The following PGGHG variants were observed in gnomAD, a reference collection of about 807,000 sequenced individuals.
PGGHG encodes the protein protein-glucosylgalactosylhydroxylysine glucosidase.
Under a neutral mutation model 74.5 loss-of-function variants are expected in PGGHG, and 67 were observed. That is an observed-to-expected ratio of 0.90 (90% CI 0.74 to 1.10). The LOEUF (loss-of-function observed/expected upper bound fraction) is 1.10. Among genes scored for constraint, PGGHG ranks in the 50% least tolerant of loss-of-function variants. PGGHG has a pLI of 0.00. For synonymous variants in PGGHG, 496 were observed against 419.9 expected (o/e 1.18, Z -2.21); for missense variants, 1,034 against 981.5 (o/e 1.05, Z -0.72).
Position 293,668 on chromosome 11 carries a change from A to G in PGGHG, c.1555A>G (p.Arg519Gly). The G allele has an allele frequency of 6.2e-7, 1 of 1,613,388 alleles. No individual in the cohort carries two copies. Among genetic ancestry groups the G allele is most frequent in the Non-Finnish European group, 8.5e-7 (1 of 1,179,988 alleles). ...CTTCTCCCTGAGTCCTGATGTTCGC[A>G]GGAAAAATCTGGAGATTTACGAGGC... ...VPFSLSPDVRRKNLEIYEAVT... is the reference protein window; with the variant it reads ...VPFSLSPDVRGKNLEIYEAVT... Residue 519 changes from arginine (R) to glycine (G), a missense_variant, in exon 10 of 14, where the codon AGG becomes GGG. Transcript: ENST00000409548.
Position 290,940 on chromosome 11 carries a change from G to T in PGGHG, c.733G>T (p.Asp245Tyr). 6.2e-7 allele frequency: 1 copy of T among 1,612,408 alleles called. No individual in the cohort carries two copies. Among genetic ancestry groups the T allele is most frequent in the South Asian group, 1.1e-5 (1 of 90,986 alleles). The stretch of plus-strand genomic sequence containing the variant: ...CCAGCTCTGGGTAGAATGTGGCTTG[G>T]ACGTGGTGGGGCCCCTGCAGCTGCG... ...WAQLWVECGLDVVGPLQLRQA... is the reference protein window; with the variant it reads ...WAQLWVECGLYVVGPLQLRQA... Residue 245 changes from aspartate (D) to tyrosine (Y), a missense_variant, in exon 4 of 14, where the codon GAC (aspartate) becomes TAC (tyrosine). Asp to Tyr is a radical substitution (Grantham distance 160). Transcript: ENST00000409548.
rs1297164454 is a variant in PGGHG at position 295,212 on chromosome 11, G to A, written c.*463G>A. The A allele has an allele frequency of 6.4e-6, 1 of 155,836 alleles. No individual in the cohort carries two copies. The highest frequency in any genetic ancestry group is 1.4e-5 in the Non-Finnish European group (1 of 70,812). 9.7% of individuals were successfully genotyped at this position (155,836 alleles called of 1,614,324 possible). The stretch of plus-strand genomic sequence containing the variant: ...ACTCGGCCCCTTCAGAATTCCTCAG[G>A]ACTCTCAGGTGCAGCTTTGCCAAAA... On this transcript the variant is annotated 3_prime_UTR_variant, in exon 14 of 14. Coordinates refer to ENST00000409548, the MANE Select transcript of PGGHG (RefSeq NM_025092.5).
In PGGHG at chr11:294,085, C is replaced by A; in HGVS notation, c.1711-14C>A. ...ACCTGGGGGTCCTGGTGTCAGCTGCCCTTGCCCCTGCAGGTGTGGACGGAG... is the reference window on the plus strand; with the variant it reads ...ACCTGGGGGTCCTGGTGTCAGCTGCACTTGCCCCTGCAGGTGTGGACGGAG... On this transcript the variant is annotated splice_polypyrimidine_tract_variant and intron_variant, in intron 11 of 13. Transcript: ENST00000409548. 1.3e-6 allele frequency: 2 copies of A among 1,596,306 alleles called. No homozygotes were observed. The highest frequency in any genetic ancestry group is 1.1e-5 in the South Asian group (1 of 88,680).
intron 4 of PGGHG, chr11:291,531 C>T (rs1046332796): frequency 6.9e-5 from 17 of 245,268 alleles, no homozygotes; most frequent in South Asian, 3.5e-4. Context: ...ACGGGGGTGA[C>T]GGGGACGCTG....
chr11:291,234 G>T (rs1189951655), intron 4 of PGGHG, 121 bp downstream of exon 4: 1 of 1,258,202 alleles, frequency 7.9e-7, no homozygotes, highest in African/African-American at 1.5e-5. Flanking sequence ...CAAAAGGGAA[G>T]AGGCCTGGAA....
intron 5 of PGGHG, 26 bp from the exon 6 acceptor site, chr11:292,520 A>G: frequency 6.2e-7 from 1 of 1,609,484 alleles, no homozygotes; most frequent in Non-Finnish European, 8.5e-7. Context: ...CAACAAGGTC[A>G]AGTCTGCCCC....
rs146770651 is a variant in PGGHG, at chr11:292,892, C to G, written c.1165C>G (p.Gln389Glu). The G allele has an allele frequency of 1.9e-6, 3 of 1,613,938 alleles. No homozygotes were observed. Among genetic ancestry groups the G allele is most frequent in the Non-Finnish European group, 2.5e-6 (3 of 1,180,000 alleles). ...GCCTCCTCCTGCTCCCCAGGACCTG[C>G]AGCTATTTCGAGAGGCTGGTGGCTG... Reference protein sequence around the residue: ...ELYYHTTQDLQLFREAGGWDV... With the variant: ...ELYYHTTQDLELFREAGGWDV... Residue 389 changes from glutamine (Q) to glutamate (E), a missense_variant, in exon 7 of 14, where the codon CAG becomes GAG. Coordinates refer to ENST00000409548, the MANE Select transcript of PGGHG (RefSeq NM_025092.5).
rs1172249395 is a variant in PGGHG, at chr11:291,090, T to C, written c.883T>C (p.Trp295Arg). ...LSNGSREECYWGHVFWDQDLW... is the reference protein window; with the variant it reads ...LSNGSREECYRGHVFWDQDLW... ...CAATGGGAGCCGTGAGGAATGCTAC[T>C]GGGGCCACGTCTTCTGGGACCAGGT... is the stretch of plus-strand genomic sequence containing the variant. Residue 295 changes from tryptophan (W) to arginine (R), a missense_variant, in exon 4 of 14, where the codon TGG (tryptophan) becomes CGG (arginine). Transcript: ENST00000409548. 1 of 1,591,700 alleles carries C rather than the reference T, an allele frequency of 6.3e-7. No individual in the cohort carries two copies. Among genetic ancestry groups the C allele is most frequent in the Non-Finnish European group, 8.6e-7 (1 of 1,166,100 alleles).
At chr11:292,458 C>T (rs1845751463) in intron 5 of PGGHG, 88 bp from the exon 6 acceptor site, 1 of 1,525,124 alleles carries the variant, frequency 6.6e-7, no homozygotes, top group African/African-American at 1.4e-5. Context: ...GGCCGAGCCC[C>T]CCCTCCTCCA....
In PGGHG at chr11:289,948, C is replaced by T. The variant is rs749725633; in HGVS notation, c.132C>T (p.Gly44=). ...RVFHDTLHVS[G]VYNGAGGDTH... is the part of the protein sequence containing the mutation. The stretch of plus-strand genomic sequence containing the variant: ...TTCACGACACGCTGCACGTGAGCGG[C>T]GTGTACAATGGGGCTGGCGGGGACA... Residue 44 remains glycine, a synonymous_variant, in exon 2 of 14, where the codon GGC becomes GGT. Transcript: ENST00000409548. This position sits in a 1 kb window ranked among gnomAD's most constrained non-coding sequence, Gnocchi z 5.6. 12 of 1,550,556 alleles carry T rather than the reference C, an allele frequency of 7.7e-6. No homozygotes were observed. The highest frequency in any genetic ancestry group is 2.0e-5 in the Admixed American group (1 of 50,982).
intron 12 of PGGHG, 23 bp downstream of exon 12, chr11:294,219 G>C (rs1331226940): frequency 5.0e-6 from 8 of 1,596,458 alleles, no homozygotes; most frequent in Non-Finnish European, 6.8e-6. Flanking sequence ...GCTGGCAGAG[G>C]GCAGCCCATG....
intron 7 of PGGHG, 71 bp downstream of exon 7, chr11:293,068 A>G: frequency 6.2e-7 from 1 of 1,613,776 alleles, no homozygotes; most frequent in South Asian, 1.1e-5. Context: ...TGATTTTCAG[A>G]CACCTCACGT....
rs1158469859 is a variant in PGGHG at position 294,729 on chromosome 11, G to A, written c.2194G>A (p.Val732Met). 6.2e-7 allele frequency: 1 copy of A among 1,602,798 alleles called. No individual in the cohort carries two copies. The highest frequency in any genetic ancestry group is 8.5e-7 in the Non-Finnish European group (1 of 1,174,162). ...CTCCAGCCCCACCGAGTCACTCACT[G>A]TGGACCCTGCCTCTGAATAATCAGG... ...GSSSPTESLT[V>M]DPASE Residue 732 changes from valine (V) to methionine (M), a missense_variant, in exon 14 of 14, where the codon GTG becomes ATG. Val to Met is a conservative substitution (Grantham distance 21). Coordinates refer to ENST00000409548, the MANE Select transcript of PGGHG (RefSeq NM_025092.5).
At chr11:290,320 G>T (rs934814672) in intron 2 of PGGHG, 70 bp from the exon 3 acceptor site, 1 of 1,462,394 alleles carries the variant, frequency 6.8e-7, no homozygotes, top group South Asian at 1.2e-5. Flanking sequence ...GGCAGCGGTC[G>T]GGTGGTCCAC....
intron 11 of PGGHG, 44 bp from the exon 12 acceptor site, chr11:294,055 C>T (rs377394219): frequency 5.8e-5 from 91 of 1,582,458 alleles, no homozygotes; most frequent in Non-Finnish European, 7.5e-5. Flanking sequence ...CCAGAGAGGA[C>T]GGTGACCTGG....
chr11:292,438 A>C, intron 5 of PGGHG, 108 bp from the exon 6 acceptor site: 2 of 1,377,052 alleles, frequency 1.5e-6, no homozygotes, highest in Non-Finnish European at 2.0e-6. Flanking sequence ...CCGCCAGGGT[A>C]CCTGGCGCAG....
At chr11:290,275 G>A (rs910436199) in intron 2 of PGGHG, 115 bp from the exon 3 acceptor site, 24 of 1,362,672 alleles carry the variant, frequency 1.8e-5, no homozygotes, top group African/African-American at 1.7e-4. Flanking sequence ...ACGAGCAGCC[G>A]AGGGCCCAGA....
In PGGHG at chr11:294,364, T is replaced by C. The variant is rs1315739700; in HGVS notation, c.1906T>C (p.Phe636Leu). 2 of 1,612,998 alleles carry C rather than the reference T, an allele frequency of 1.2e-6. No individual in the cohort carries two copies. Among genetic ancestry groups the C allele is most frequent in the African/African-American group, 1.3e-5 (1 of 74,896 alleles). Residue 636 changes from phenylalanine (F) to leucine (L), a missense_variant, in exon 13 of 14, where the codon TTC (phenylalanine) becomes CTC (leucine). By Grantham distance (22) the Phe-to-Leu change is conservative (BLOSUM62 0). Transcript: ENST00000409548. ...CTTCTACCAGGGGAACAAGCTCAAC[T>C]TCTCTTTTTCCGAGGACTCCGTGAC... The part of the protein sequence containing the change: ...GIFYQGNKLN[F>L]SFSEDSVTVE...
Position 290,475 on chromosome 11 carries a change from T to C in PGGHG, c.345T>C (p.Ala115=). 6.5e-7 allele frequency: 1 copy of C among 1,550,144 alleles called. No individual in the cohort carries two copies. Among genetic ancestry groups the C allele is most frequent in the African/African-American group, 1.4e-5 (1 of 73,172 alleles). ...ATCGCACGCTGCCCCACGTGCTGGC[T>C]TTCCGAGTGTCCATCGCCCGCCTGG... The part of the protein sequence containing the change: ...YAHRTLPHVL[A]FRVSIARLAP... Residue 115 remains alanine, a synonymous_variant, in exon 3 of 14, where the codon GCT becomes GCC. Coordinates refer to ENST00000409548, the MANE Select transcript of PGGHG (RefSeq NM_025092.5).
Sources: allele counts gnomAD v4.1 joint callset, GRCh38; gene constraint gnomAD v4.1.1; non-coding constraint Gnocchi (gnomAD v3.1); transcripts MANE v1.5; gene names NCBI Gene and HGNC (gene_info 2026-07-23, HGNC 2026-07-21).